The following TMEM150C variants were observed in gnomAD, a reference collection of about 807,000 sequenced individuals.
TMEM150C encodes tentonin 3.
Under a neutral mutation model 29.9 loss-of-function variants are expected in TMEM150C, and 10 were observed. That is an observed-to-expected ratio of 0.33 (90% confidence interval 0.21 to 0.57). The LOEUF (loss-of-function observed/expected upper bound fraction) is 0.57. Among genes scored for constraint, TMEM150C ranks in the 20% least tolerant of loss-of-function variants. TMEM150C has a pLI of 0.88. For synonymous variants in TMEM150C, 101 were observed against 112.5 expected, an observed-to-expected ratio of 0.90 and a Z score of 0.64; for missense variants, 251 against 303.6, an observed-to-expected ratio of 0.83 and a Z score of 1.29.
At position 82,499,713 on chromosome 4, in the gene TMEM150C, C is replaced by T. The variant is rs537377210; in HGVS notation, c.235+3014G>A. ...ACTCCAGCCTGGGTGACAGAGACTCCGTCTCCAAAAAAAAAAAAAAAAAAA... is the reference window on the plus strand; with the variant it reads ...ACTCCAGCCTGGGTGACAGAGACTCTGTCTCCAAAAAAAAAAAAAAAAAAA... On this transcript the variant is annotated intron_variant, in intron 5 of 7. Coordinates refer to ENST00000449862, the MANE Select transcript of TMEM150C (RefSeq NM_001080506.3). Among the ~76,000 whole-genome samples the T allele has an allele frequency of 3.3e-3, 351 of 106,724 alleles. 9 individuals are homozygous for T. Among genetic ancestry groups the T allele is most frequent in the South Asian group, 0.029 (99 of 3,424 alleles). 70.0% of individuals were successfully genotyped at this position (106,724 alleles called of 152,430 possible).
chr4:82,507,002 G>A (rs890862416), intron 1 of TMEM150C, among the ~76,000 whole-genome samples: 1 of 152,126 alleles, frequency 6.6e-6, no homozygotes, highest in Non-Finnish European at 1.5e-5. Context: ...ACTTAAATCT[G>A]TGACACCATT....
chr4:82,549,613 G>A (rs1725503646), intron 1 of TMEM150C, among the ~76,000 whole-genome samples: 1 of 152,178 alleles, frequency 6.6e-6, no homozygotes, highest in African/African-American at 2.4e-5. Context: ...ATTCCATTAT[G>A]TGGATTTTAC....
At chr4:82,491,204 A>G in intron 6 of TMEM150C, 1 of 693,842 alleles carries the variant, frequency 1.4e-6, no homozygotes, top group Non-Finnish European at 2.6e-6. Context: ...TGACAGTGTT[A>G]ACTCCTACTC....
chr4:82,495,406 G>A (rs1233833134), intron 6 of TMEM150C: 6 of 279,874 alleles, frequency 2.1e-5, no homozygotes, highest in African/African-American at 2.3e-5. Flanking sequence ...TCGCCACTGC[G>A]CTAAAACCTG....
intron 5 of TMEM150C, among the ~76,000 whole-genome samples, chr4:82,497,249 T>C (rs532904325): frequency 6.6e-6 from 1 of 152,330 alleles, no homozygotes; most frequent in South Asian, 2.1e-4. Flanking sequence ...TTTCGATTAA[T>C]GTAAATTATA....
At chr4:82,539,755 A>G (rs1174847615) in intron 1 of TMEM150C, among the ~76,000 whole-genome samples, 1 of 152,178 alleles carries the variant, frequency 6.6e-6, no homozygotes, top group Non-Finnish European at 1.5e-5. Context: ...CCTGGCCACA[A>G]CTTTTAAATA....
At chr4:82,552,767 GC>G (rs1578159063) in intron 1 of TMEM150C, among the ~76,000 whole-genome samples, 1 of 152,134 alleles carries the variant, frequency 6.6e-6, no homozygotes, top group East Asian at 1.9e-4. Flanking sequence ...GAGAACCTCT[GC>G]CCCCTGCCTC....
chr4:82,490,571 G>GT (rs202145535), intron 6 of TMEM150C, among the ~76,000 whole-genome samples: 4 of 151,858 alleles, frequency 2.6e-5, no homozygotes, highest in South Asian at 2.1e-4. Context: ...TTTGGACATG[G>GT]TTTTTTTTGT....
chr4:82,495,217 CAGATCGCGAGGTCAGG>C (rs1208390067), intron 6 of TMEM150C: 3 of 304,584 alleles, frequency 9.8e-6, no homozygotes, highest in African/African-American at 2.2e-5. Context: ...CCGAGGCGGG[CAGATCGCGAGGTCAGG>C]AGATCAAGAC....
chr4:82,529,549 A>C (rs369012144), intron 1 of TMEM150C, among the ~76,000 whole-genome samples: 1 of 152,064 alleles, frequency 6.6e-6, no homozygotes, highest in Non-Finnish European at 1.5e-5. Flanking sequence ...TGGCCTCCCC[A>C]AGTGCTGGGA....
At chr4:82,539,051 A>G (rs1725112531) in intron 1 of TMEM150C, among the ~76,000 whole-genome samples, 1 of 152,180 alleles carries the variant, frequency 6.6e-6, no homozygotes, top group Non-Finnish European at 1.5e-5. Context: ...TGGGGAACAG[A>G]CCTAGACCCT....
chr4:82,500,119 C>T (rs1723690474), intron 5 of TMEM150C, among the ~76,000 whole-genome samples: 1 of 152,176 alleles, frequency 6.6e-6, no homozygotes, highest in Non-Finnish European at 1.5e-5. Flanking sequence ...AGACAAAAAG[C>T]ACAACTAATT....
At chr4:82,495,697 C>T (rs1723533324) in intron 6 of TMEM150C, 3 of 290,804 alleles carry the variant, frequency 1.0e-5, no homozygotes, top group Admixed American at 4.2e-5. Context: ...CTTGTTGTTC[C>T]CACCAACAAA....
At chr4:82,487,113 G>A (rs554402239) in intron 7 of TMEM150C, among the ~76,000 whole-genome samples, 5 of 152,156 alleles carry the variant, frequency 3.3e-5, no homozygotes, top group African/African-American at 1.2e-4. Context: ...GATTCCACGT[G>A]TTCAGAAAGA....
intron 1 of TMEM150C, among the ~76,000 whole-genome samples, chr4:82,506,311 T>C (rs4693450): frequency 0.25 from 38,756 of 152,158 alleles, 5,976 homozygotes; most frequent in East Asian, 0.41. Context: ...CTGGTCTACC[T>C]GATTACGTAG....
In TMEM150C at chr4:82,485,636, C is replaced by T. The variant is rs750597086; in HGVS notation, c.625G>A (p.Gly209Ser). Residue 209 changes from glycine to serine, a missense_variant, in exon 8 of 8, where the codon GGC (glycine) becomes AGC (serine). Transcript: ENST00000449862. ...GLVMCFLSYF[G>S]TFAVEFRHYR... ...TGCCGGAACTCCACGGCAAAGGTGC[C>T]AAAATAAGACAGGAAGCACATGACC... is the stretch of plus-strand genomic sequence containing the variant. The T allele has an allele frequency of 6.2e-7, 1 of 1,609,728 alleles. No individual in the cohort carries two copies. Among genetic ancestry groups the T allele is most frequent in the East Asian group, 2.2e-5 (1 of 44,788 alleles).
At chr4:82,518,217 G>A (rs914096117) in intron 1 of TMEM150C, among the ~76,000 whole-genome samples, 1 of 152,120 alleles carries the variant, frequency 6.6e-6, no homozygotes, top group Non-Finnish European at 1.5e-5. Context: ...TGGGGAGACT[G>A]AGGCAGGAGA....
chr4:82,502,237 G>T (rs1365042224), intron 5 of TMEM150C, among the ~76,000 whole-genome samples: 1 of 152,152 alleles, frequency 6.6e-6, no homozygotes, highest in African/African-American at 2.4e-5. Context: ...TTCTCCATTT[G>T]CCAGCTTACT....
intron 1 of TMEM150C, among the ~76,000 whole-genome samples, chr4:82,539,856 C>G (rs1725141395): frequency 6.6e-6 from 1 of 152,104 alleles, no homozygotes; most frequent in Non-Finnish European, 1.5e-5. Flanking sequence ...ACAAATCCCA[C>G]AAAACTACTA....
Sources: allele counts gnomAD v4.1 joint callset (sites outside exome capture counted in the v4.1 genomes callset), GRCh38; gene constraint gnomAD v4.1.1; transcripts MANE v1.5; gene names NCBI Gene and HGNC (gene_info 2026-07-23, HGNC 2026-07-21).